BMPR1B: variants seen among roughly 807,000 people sequenced by gnomAD.
BMPR1B encodes bone morphogenetic protein receptor type 1B, also known as bone morphogenetic protein receptor type-1B.
BMPR1B carries 12 observed loss-of-function variants against 59.1 expected under a neutral mutation model. The ratio of observed to expected loss-of-function variants is 0.20; its 90% CI spans 0.13 to 0.33. BMPR1B has a LOEUF of 0.33. Ranked by LOEUF, BMPR1B falls within the 10% of genes least tolerant of loss-of-function variation. The pLI, the probability that BMPR1B is intolerant of heterozygous loss-of-function variation, is 1.00. For synonymous variants in BMPR1B, 237 were observed against 207.3 expected (o/e 1.14, Z -1.23); for missense variants, 550 against 610.9 (o/e 0.90, Z 1.05).
chr4:95,009,027 CCT>C (rs1215179721), intron 3 of BMPR1B, among the ~76,000 whole-genome samples: 29 of 152,068 alleles, frequency 1.9e-4, no homozygotes, highest in African/African-American at 7.0e-4. Context: ...TGCACTGTAG[CCT>C]AATTGACAGA....
At chr4:95,005,165 A>G (rs552293603) in intron 3 of BMPR1B, among the ~76,000 whole-genome samples, 76 of 152,300 alleles carry the variant, frequency 5.0e-4, no homozygotes, top group African/African-American at 1.8e-3. Flanking sequence ...TCTAGTTAAA[A>G]GGAAATGTGA....
At chr4:95,091,095 A>C (rs1350306084) in intron 3 of BMPR1B, among the ~76,000 whole-genome samples, 3 of 152,148 alleles carry the variant, frequency 2.0e-5, no homozygotes, top group Non-Finnish European at 4.4e-5. Flanking sequence ...CTGAATGTCA[A>C]AGGATATTAT....
At chr4:95,081,888 G>A (rs183170258) in intron 3 of BMPR1B, among the ~76,000 whole-genome samples, 3 of 152,244 alleles carry the variant, frequency 2.0e-5, no homozygotes, top group East Asian at 1.9e-4. Context: ...TAAATTAGAC[G>A]TTAAAGAGTT....
intron 1 of BMPR1B, among the ~76,000 whole-genome samples, chr4:94,840,050 T>G (rs28872015): frequency 0.11 from 16,414 of 148,550 alleles, 993 homozygotes; most frequent in Non-Finnish European, 0.13. Flanking sequence ...TGAAATTCTG[T>G]GTTGAACATT....
intron 8 of BMPR1B, 143 bp downstream of exon 8, chr4:95,125,264 G>A: frequency 9.4e-7 from 1 of 1,064,622 alleles, no homozygotes; most frequent in Non-Finnish European, 1.4e-6. Flanking sequence ...CTCAGCTGCA[G>A]GGCTTCCTGA....
chr4:94,995,614 C>G lies in BMPR1B; in HGVS notation c.-112-426C>G, dbSNP rs1012895034. Among the ~76,000 whole-genome samples the G allele has an allele frequency of 3.3e-5, 5 of 152,302 alleles. No homozygotes were observed. In the East Asian group the frequency reaches 9.6e-4, roughly 29 times the overall value. ...ATTTCCTTTCTTGTCTTTGACTCCA[C>G]CTAGCCCCACTTTTCTCCACCTACC... On this transcript the variant is annotated intron_variant, in intron 2 of 12. Coordinates refer to ENST00000515059, the MANE Select transcript of BMPR1B (RefSeq NM_001203.3).
intron 3 of BMPR1B, among the ~76,000 whole-genome samples, chr4:95,093,339 G>C (rs1234412573): frequency 6.6e-6 from 1 of 151,922 alleles, no homozygotes; most frequent in East Asian, 1.9e-4. Context: ...TAAGGGAAAG[G>C]CTAGCTATTG....
At chr4:94,904,041 A>G (rs17022514) in intron 2 of BMPR1B, among the ~76,000 whole-genome samples, 4,516 of 152,150 alleles carry the variant, frequency 0.03, 141 homozygotes, top group African/African-American at 0.073. Context: ...ATTTTAATAG[A>G]CAGTAACATC....
chr4:94,815,914 A>C (rs566960199), intron 1 of BMPR1B, among the ~76,000 whole-genome samples: 1 of 152,120 alleles, frequency 6.6e-6, no homozygotes, highest in South Asian at 2.1e-4. Flanking sequence ...CATTTTTATT[A>C]CTTTTGTGTG....
At chr4:95,121,912 A>G (rs1732558966) in intron 6 of BMPR1B, among the ~76,000 whole-genome samples, 7 of 152,202 alleles carry the variant, frequency 4.6e-5, no homozygotes, top group African/African-American at 2.4e-5. Context: ...GCAAAGATGT[A>G]TGTGTAAGAG....
intron 2 of BMPR1B, among the ~76,000 whole-genome samples, chr4:94,933,270 T>G (rs574522036): frequency 1.3e-5 from 2 of 152,234 alleles, no homozygotes; most frequent in East Asian, 3.9e-4. Context: ...TAACGACTTC[T>G]TATTCCATTA....
intron 3 of BMPR1B, among the ~76,000 whole-genome samples, chr4:95,015,541 A>G (rs1723524905): frequency 6.6e-6 from 1 of 152,078 alleles, no homozygotes; most frequent in Non-Finnish European, 1.5e-5. Flanking sequence ...GCACACCACC[A>G]CACCAGACTC....
At chr4:94,890,698 C>T (rs1242945334) in intron 2 of BMPR1B, among the ~76,000 whole-genome samples, 1 of 152,044 alleles carries the variant, frequency 6.6e-6, no homozygotes, top group Non-Finnish European at 1.5e-5. Context: ...CTCTTTCTAG[C>T]TTACAGACTG....
chr4:94,928,577 TG>T (rs1211723778), intron 2 of BMPR1B, among the ~76,000 whole-genome samples: 1 of 151,382 alleles, frequency 6.6e-6, no homozygotes, highest in African/African-American at 2.4e-5. Flanking sequence ...AAGGCTGGGT[TG>T]TTTTTTTTTT....
chr4:95,029,307 C>T (rs551203236), intron 3 of BMPR1B, among the ~76,000 whole-genome samples: 7 of 143,228 alleles, frequency 4.9e-5, no homozygotes, highest in Non-Finnish European at 9.0e-5. Context: ...TCCATGTGTT[C>T]TCATTGTTCA....
chr4:94,950,316 C>CT (rs571679518), intron 2 of BMPR1B, among the ~76,000 whole-genome samples: 8 of 150,638 alleles, frequency 5.3e-5, no homozygotes, highest in African/African-American at 1.5e-4. Context: ...TCAATGTTGG[C>CT]TTTTTTTTTG....
rs1335477990 is a variant in BMPR1B, at chr4:94,840,515, A to G, written c.-182-35316A>G. Among the ~76,000 whole-genome samples the G allele has an allele frequency of 1.4e-5, 2 of 145,530 alleles. 1 individual carries two copies. Among genetic ancestry groups the G allele is most frequent in the Non-Finnish European group, 3.0e-5 (2 of 65,706 alleles). On this transcript the variant is annotated intron_variant, in intron 1 of 12. Coordinates refer to ENST00000515059, the MANE Select transcript of BMPR1B (RefSeq NM_001203.3). ...CTTCTCGCTTCATTTCATTCATTTC[A>G]CCTTCCATTGCTGATACCCTTTCTT...
chr4:94,900,872 T>G (rs1474697696), intron 2 of BMPR1B, among the ~76,000 whole-genome samples: 1 of 151,936 alleles, frequency 6.6e-6, no homozygotes, highest in Non-Finnish European at 1.5e-5. Flanking sequence ...TACCAAACAG[T>G]AAAGCAAAAA....
At chr4:94,954,171 A>G (rs1730055461) in intron 2 of BMPR1B, among the ~76,000 whole-genome samples, 1 of 152,076 alleles carries the variant, frequency 6.6e-6, no homozygotes, top group South Asian at 2.1e-4. Context: ...TGGGAGATGA[A>G]GTGCGTGTTT....
Sources: allele counts gnomAD v4.1 joint callset (sites outside exome capture counted in the v4.1 genomes callset), GRCh38; gene constraint gnomAD v4.1.1; transcripts MANE v1.5; gene names NCBI Gene and HGNC (gene_info 2026-07-23, HGNC 2026-07-21).